TBC1D1: variants seen among roughly 807,000 people sequenced by gnomAD.
The protein encoded by TBC1D1 is TBC1 (tre-2/USP6, BUB2, cdc16) domain family, member 1.
In TBC1D1, 89 loss-of-function variants were observed where a neutral mutation model predicts 125.6. The observed-to-expected ratio is 0.71, with a 90% CI of 0.60 to 0.85. TBC1D1 has a LOEUF of 0.85. TBC1D1 is among the 40% of genes least tolerant of loss of function. TBC1D1 has a pLI of 0.00. For synonymous variants in TBC1D1, 565 were observed against 564.1 expected (o/e 1.00, Z -0.02); for missense variants, 1,377 against 1,469.2 (o/e 0.94, Z 1.03).
chr4:38,125,437 T>C (rs1578838898), intron 18 of TBC1D1, among the ~76,000 whole-genome samples: 1 of 152,228 alleles, frequency 6.6e-6, no homozygotes, highest in African/African-American at 2.4e-5. Context: ...TTCTGAAACA[T>C]ATATATATTT....
intron 2 of TBC1D1, among the ~76,000 whole-genome samples, chr4:37,955,783 A>G (rs375716751): frequency 2.0e-5 from 3 of 152,202 alleles, no homozygotes; most frequent in African/African-American, 7.2e-5. Context: ...GCAGTGTTTA[A>G]GAGAGCTTTA....
At chr4:37,988,644 T>C (rs560287434) in intron 2 of TBC1D1, among the ~76,000 whole-genome samples, 7 of 152,308 alleles carry the variant, frequency 4.6e-5, no homozygotes, top group Admixed American at 2.6e-4. Flanking sequence ...TGAAGAAACA[T>C]GAAGCCCACT....
intron 2 of TBC1D1, among the ~76,000 whole-genome samples, chr4:37,985,489 G>C (rs1356359457): frequency 6.6e-6 from 1 of 152,168 alleles, no homozygotes; most frequent in Non-Finnish European, 1.5e-5. Flanking sequence ...CACAGGCTCT[G>C]TTCTTTTACA....
At chr4:37,946,350 A>C (rs1249356901) in intron 2 of TBC1D1, among the ~76,000 whole-genome samples, 2 of 152,244 alleles carry the variant, frequency 1.3e-5, no homozygotes, top group Non-Finnish European at 2.9e-5. Context: ...CCCAACACAA[A>C]GAAATGATAA....
At chr4:38,116,127 T>C (rs1222021766) in intron 16 of TBC1D1, among the ~76,000 whole-genome samples, 173 bp downstream of exon 18, 1 of 73,424 alleles carries the variant, frequency 1.4e-5, no homozygotes, top group African/African-American at 6.4e-5. Context: ...TGCACTTCCC[T>C]CTAAGGAAGA....
chr4:38,039,219 G>A (rs947545493), intron 8 of TBC1D1, among the ~76,000 whole-genome samples: 4 of 131,278 alleles, frequency 3.0e-5, no homozygotes, highest in South Asian at 2.7e-4. Flanking sequence ...CCAAGTTCAC[G>A]CCATTCTCCT....
intron 14 of TBC1D1, among the ~76,000 whole-genome samples, chr4:38,099,068 T>A (rs1759854002): frequency 6.6e-6 from 1 of 152,208 alleles, no homozygotes; most frequent in Admixed American, 6.5e-5. Context: ...GCAGAGGGGC[T>A]GCCTGGGCTG....
At chr4:38,006,864 C>A in intron 2 of TBC1D1, 2 of 508,462 alleles carry the variant, frequency 3.9e-6, no homozygotes, top group South Asian at 1.4e-5. Flanking sequence ...CATCTTTGCT[C>A]ATCCTTAAAA....
chr4:38,004,995 C>T (rs1739818517), intron 2 of TBC1D1, among the ~76,000 whole-genome samples: 1 of 152,120 alleles, frequency 6.6e-6, no homozygotes, highest in Non-Finnish European at 1.5e-5. Context: ...GACCTGGCTC[C>T]CTGGCAGGGA....
intron 2 of TBC1D1, among the ~76,000 whole-genome samples, chr4:37,915,066 G>A (rs917688187): frequency 3.3e-5 from 5 of 152,228 alleles, no homozygotes; most frequent in Admixed American, 3.3e-4. Context: ...TGAGCTCTAA[G>A]AGAGCAACGC....
At chr4:38,052,340 T>G (rs1277851768) in intron 11 of TBC1D1, among the ~76,000 whole-genome samples, 1 of 151,648 alleles carries the variant, frequency 6.6e-6, no homozygotes, top group African/African-American at 2.4e-5. Flanking sequence ...TGTTTGTTTT[T>G]TTTTTTTTTG....
rs185102715 is a variant in TBC1D1, at chr4:38,109,169, C to T, written c.2557+6012C>T. On this transcript the variant is annotated intron_variant, in intron 15 of 19. Transcript: ENST00000261439. ...TTCAGCAGTCTTGTTATCTCACGCA[C>T]CTGTCTGTCCAGTTGGGGACGTTGC... Among the ~76,000 whole-genome samples, 65 of 152,332 alleles carry T rather than the reference C, an allele frequency of 4.3e-4. 2 individuals carry two copies. In the East Asian group the frequency reaches 6.2e-3, roughly 14 times the overall value.
intron 12 of TBC1D1, among the ~76,000 whole-genome samples, chr4:38,079,421 T>C (rs1339005575): frequency 6.6e-6 from 1 of 152,230 alleles, no homozygotes; most frequent in African/African-American, 2.4e-5. Flanking sequence ...ACTTGACTGG[T>C]GTTTGAAAAA....
At chr4:37,900,244 G>C (rs1715622786) in intron 1 of TBC1D1, among the ~76,000 whole-genome samples, 2 of 152,018 alleles carry the variant, frequency 1.3e-5, no homozygotes, top group South Asian at 2.1e-4. Context: ...TGAGGACCTC[G>C]GCAACTTTAA....
At chr4:37,985,945 G>A (rs568714020) in intron 2 of TBC1D1, among the ~76,000 whole-genome samples, 132 of 150,236 alleles carry the variant, frequency 8.8e-4, no homozygotes, top group Middle Eastern at 3.6e-3. Flanking sequence ...GAATAGTGAG[G>A]AAATACTACT....
chr4:37,984,170 G>T (rs1734958476), intron 2 of TBC1D1, among the ~76,000 whole-genome samples: 2 of 152,126 alleles, frequency 1.3e-5, no homozygotes, highest in East Asian at 1.9e-4. Context: ...CCCACAGAAG[G>T]ACATCTTGGT....
intron 18 of TBC1D1, among the ~76,000 whole-genome samples, chr4:38,126,439 G>T (rs1039225465): frequency 2.0e-5 from 3 of 152,250 alleles, no homozygotes; most frequent in African/African-American, 7.2e-5. Flanking sequence ...TCCACATGCA[G>T]TGTTTGTGAT....
At chr4:37,980,176 G>A (rs1235293380) in intron 2 of TBC1D1, among the ~76,000 whole-genome samples, 1 of 152,188 alleles carries the variant, frequency 6.6e-6, no homozygotes, top group East Asian at 1.9e-4. Flanking sequence ...AAGCCAAAAC[G>A]GGAGAGTTTT....
At chr4:38,058,263 C>T (rs77215493) in intron 12 of TBC1D1, among the ~76,000 whole-genome samples, 3,245 of 152,318 alleles carry the variant, frequency 0.021, 61 homozygotes, top group Middle Eastern at 0.048. Flanking sequence ...ATGCACGATG[C>T]CAGAGCCCTC....
Sources: allele counts gnomAD v4.1 joint callset (sites outside exome capture counted in the v4.1 genomes callset), GRCh38; gene constraint gnomAD v4.1.1; transcripts MANE v1.5; gene names NCBI Gene and HGNC (gene_info 2026-07-23, HGNC 2026-07-21).